The following TIMM50 variants were observed in gnomAD, a reference collection of about 807,000 sequenced individuals.
The protein encoded by TIMM50 is translocase of inner mitochondrial membrane 50, also known as mitochondrial import inner membrane translocase subunit TIM50.
A neutral mutation model predicts 49.6 loss-of-function variants in TIMM50; 34 were observed. The ratio of observed to expected loss-of-function variants is 0.69; its 90% confidence interval spans 0.52 to 0.91. The LOEUF (loss-of-function observed/expected upper bound fraction) is 0.91. Ranked by LOEUF, TIMM50 falls within the 40% of genes least tolerant of loss-of-function variation. The pLI is 0.00. For synonymous variants in TIMM50, 199 were observed against 198.4 expected, an observed-to-expected ratio of 1.00 and a Z score of -0.03; for missense variants, 458 against 477.8, an observed-to-expected ratio of 0.96 and a Z score of 0.39.
rs2079555006 is a variant in TIMM50, at chr19:39,492,873, A to AG, written c.*3053_*3054insG. 1 of 134,564 alleles carries AG rather than the reference A, an allele frequency of 7.4e-6. No individual in the cohort carries two copies. Among genetic ancestry groups the AG allele is most frequent in the Non-Finnish European group, 1.6e-5 (1 of 61,608 alleles). The allele number at this position is 134,564 out of a possible 1,614,324, so 8.3% of individuals were successfully genotyped here. On this transcript the variant is annotated 3_prime_UTR_variant, in exon 11 of 11. Transcript: ENST00000607714. ...GCGACAGAGTAAGGCTCTGTCTCCAAAAAAAAAAAAAAAAAAAAACAAAAA... is the reference window on the plus strand; with the variant it reads ...GCGACAGAGTAAGGCTCTGTCTCCAAGAAAAAAAAAAAAAAAAAAACAAAAA...
At chr19:39,489,340 G>A (rs979299365) in intron 10 of TIMM50, among the ~76,000 whole-genome samples, 2 of 152,126 alleles carry the variant, frequency 1.3e-5, no homozygotes, top group South Asian at 2.1e-4. Flanking sequence ...CAGGGTCTGC[G>A]ATAGGATCTC....
rs141649362 is a variant in TIMM50, at chr19:39,485,205, G to A, written c.314-339G>A. The A allele has an allele frequency of 2.9e-3, 979 of 337,214 alleles. 10 individuals are homozygous for A. Among genetic ancestry groups the A allele is most frequent in the African/African-American group, 0.019 (877 of 47,018 alleles). 20.9% of individuals were successfully genotyped at this position (337,214 alleles called of 1,614,324 possible). On this transcript the variant is annotated intron_variant, in intron 4 of 10. Transcript: ENST00000607714. Reference sequence around the variant, plus strand: ...TGGTCTTGATCTGACCTCGTGATCCGTCTGCCTCGGCCTCCCAAAGTGCTG... The same window carrying A: ...TGGTCTTGATCTGACCTCGTGATCCATCTGCCTCGGCCTCCCAAAGTGCTG...
rs938211540 is a variant in TIMM50 at position 39,485,810 on chromosome 19, G to A, written c.492+3G>A. ...TCCTCTTGCATCCTGAGTGGTCGGT[G>A]TGTCCCGGGAAACCCAGTGGGTTGG... On this transcript the variant is annotated splice_donor_region_variant and intron_variant, in intron 6 of 10. Transcript: ENST00000607714. 10 of 1,614,148 alleles carry A rather than the reference G, an allele frequency of 6.2e-6. No individual in the cohort carries two copies. In the African/African-American group the frequency reaches 1.2e-4, roughly 19 times the overall value.
chr19:39,485,408 G>T lies in TIMM50; in HGVS notation c.314-136G>T. On this transcript the variant is annotated intron_variant, in intron 4 of 10. Coordinates refer to ENST00000607714, the MANE Select transcript of TIMM50 (RefSeq NM_001001563.5). ...GGTATGTCATTGCCTTCTATCTTTG[G>T]ACCTAGAAATGAGTTGGTTCAAACC... 4.2e-6 allele frequency: 4 copies of T among 945,396 alleles called. No individual in the cohort carries two copies. The South Asian group carries it at 5.8e-5, about 14-fold the overall frequency. 58.6% of individuals were successfully genotyped at this position (945,396 alleles called of 1,614,324 possible).
At position 39,490,095 on chromosome 19, in the gene TIMM50, C is replaced by G; in HGVS notation, c.*275C>G. ...AATCTAAAAACCCTCGCTGTGTCTTCCTGTGTGTTGCGTGATCTGTGAAAA... is the reference window on the plus strand; with the variant it reads ...AATCTAAAAACCCTCGCTGTGTCTTGCTGTGTGTTGCGTGATCTGTGAAAA... On this transcript the variant is annotated 3_prime_UTR_variant, in exon 11 of 11. Transcript: ENST00000607714. The G allele has an allele frequency of 2.0e-6, 1 of 504,922 alleles. No homozygotes were observed. The highest frequency in any genetic ancestry group is 3.6e-6 in the Non-Finnish European group (1 of 278,878). The allele number at this position is 504,922 out of a possible 1,614,324, so 31.3% of individuals were successfully genotyped here.
intron 8 of TIMM50, 94 bp downstream of exon 8, chr19:39,486,589 C>G (rs2146157761): frequency 8.6e-7 from 1 of 1,157,794 alleles, no homozygotes; most frequent in East Asian, 2.4e-5. Flanking sequence ...CCTCACCTGG[C>G]TTATGGTTCT....
intron 8 of TIMM50, 71 bp downstream of exon 8, chr19:39,486,566 G>T: frequency 7.3e-7 from 1 of 1,375,836 alleles, no homozygotes; most frequent in South Asian, 1.2e-5. Context: ...GGAGGGCCCA[G>T]CTCTGACCCT....
At chr19:39,485,977 AG>A in intron 6 of TIMM50, 170 bp downstream of exon 6, 1 of 1,169,316 alleles carries the variant, frequency 8.6e-7, no homozygotes, top group Non-Finnish European at 1.2e-6. Context: ...CCCACTCTGT[AG>A]GGTAGTGTAG....
rs554175685 is a variant in TIMM50 at position 39,481,901 on chromosome 19, C to T, written c.127C>T (p.Arg43Cys). 14 of 1,613,548 alleles carry T rather than the reference C, an allele frequency of 8.7e-6. No individual in the cohort carries two copies. The African/African-American group carries it at 1.7e-4, about 20-fold the overall frequency. ...APDQAAEIGSRGSTKAQGPQQ... is the reference protein window; with the variant it reads ...APDQAAEIGSCGSTKAQGPQQ... Reference sequence around the variant, plus strand: ...ACCGCAGGCCGCAGAGATCGGGAGCCGCGGGAGCACTAAGGCGCAAGGGCC... The same window carrying T: ...ACCGCAGGCCGCAGAGATCGGGAGCTGCGGGAGCACTAAGGCGCAAGGGCC... The change falls in exon 2 of 11, where the codon CGC becomes TGC. Residue 43 changes from arginine to cysteine, a missense_variant. Physicochemically the swap from Arg to Cys is radical, Grantham distance 180. Coordinates refer to ENST00000607714, the MANE Select transcript of TIMM50 (RefSeq NM_001001563.5).
chr19:39,482,795 C>G (rs992857056), intron 2 of TIMM50, 90 bp from the exon 3 acceptor site: 2 of 1,560,832 alleles, frequency 1.3e-6, no homozygotes, highest in South Asian at 2.2e-5. Context: ...TTCCTCAGAT[C>G]CAGGAGTCCA....
At chr19:39,485,264 G>T (rs1004028769) in intron 4 of TIMM50, 22 of 483,066 alleles carry the variant, frequency 4.6e-5, no homozygotes, top group Non-Finnish European at 7.6e-5. Context: ...GCCCGGCCTT[G>T]TATGTGGGTT....
intron 1 of TIMM50, 142 bp from the exon 2 acceptor site, chr19:39,481,741 C>G: frequency 9.2e-7 from 1 of 1,087,956 alleles, no homozygotes; most frequent in Non-Finnish European, 1.3e-6. Flanking sequence ...CACATCCTGA[C>G]TGCTACTCCA....
At chr19:39,484,006 A>G (rs2079489168) in intron 4 of TIMM50, among the ~76,000 whole-genome samples, 1 of 151,786 alleles carries the variant, frequency 6.6e-6, no homozygotes, top group African/African-American at 2.4e-5. Flanking sequence ...GGCGCACACC[A>G]CCACACTCAG....
In TIMM50 at chr19:39,482,023, C is replaced by T. The variant is rs778655925; in HGVS notation, c.249C>T (p.Val83=). 6.2e-7 allele frequency: 1 copy of T among 1,613,872 alleles called. No homozygotes were observed. Among genetic ancestry groups the T allele is most frequent in the South Asian group, 1.1e-5 (1 of 91,074 alleles). ...LLGAGGTVSV[V]YIFGNNPVDE... ...GAGCTGGTGGGACTGTGAGCGTCGT[C>T]TATATCTTTGGTGAGGGACATATCC... Residue 83 remains valine, a synonymous_variant, in exon 2 of 11, where the codon GTC becomes GTT. Transcript: ENST00000607714.
chr19:39,485,703 A>G lies in TIMM50; in HGVS notation c.388A>G (p.Thr130Ala). 1 of 1,614,046 alleles carries G rather than the reference A, an allele frequency of 6.2e-7. No individual in the cohort carries two copies. Among genetic ancestry groups the G allele is most frequent in the East Asian group, 2.2e-5 (1 of 44,862 alleles). ...TCTCCCACAGATGATCATCGAGCCC[A>G]CCAGCCCTTGCCTTCTCCCAGACCC... is the stretch of plus-strand genomic sequence containing the variant. ...KDYRQMIIEPTSPCLLPDPLQ... is the reference protein window; with the variant it reads ...KDYRQMIIEPASPCLLPDPLQ... The change falls in exon 6 of 11, where the codon ACC (threonine) becomes GCC (alanine). Residue 130 changes from threonine (T) to alanine (A), a missense_variant. Thr to Ala is a moderately conservative substitution (Grantham distance 58). Coordinates refer to ENST00000607714, the MANE Select transcript of TIMM50 (RefSeq NM_001001563.5).
intron 4 of TIMM50, 31 bp downstream of exon 4, chr19:39,483,187 C>G: frequency 6.2e-7 from 1 of 1,613,924 alleles, no homozygotes; most frequent in Middle Eastern, 1.6e-4. Context: ...TCTGGAGTCC[C>G]TGACCCTCTC....
At chr19:39,486,998 A>G (rs1258620567) in intron 8 of TIMM50, among the ~76,000 whole-genome samples, 1 of 151,852 alleles carries the variant, frequency 6.6e-6, no homozygotes, top group African/African-American at 2.4e-5. Flanking sequence ...GCTCTTGGAA[A>G]TTCCAAAATA....
chr19:39,484,100 G>A (rs986943293), intron 4 of TIMM50, among the ~76,000 whole-genome samples: 3 of 152,070 alleles, frequency 2.0e-5, no homozygotes, highest in East Asian at 1.9e-4. Context: ...GTGGTCACTC[G>A]CCTCAGCCTC....
chr19:39,482,726 C>T (rs1366318023), intron 2 of TIMM50, among the ~76,000 whole-genome samples, 159 bp from the exon 3 acceptor site: 1 of 152,050 alleles, frequency 6.6e-6, no homozygotes, highest in Non-Finnish European at 1.5e-5. Flanking sequence ...CTCAAAGACC[C>T]AGGAATCTTG....
Sources: gnomAD v4.1 joint callset for allele counts (sites outside exome capture counted in the v4.1 genomes callset) on GRCh38, gnomAD v4.1.1 for gene constraint, MANE v1.5 for transcripts, NCBI Gene and HGNC (gene_info 2026-07-23, HGNC 2026-07-21) for gene names.